Variants in XXYLT1 observed in about 807,000 individuals in gnomAD.
The protein encoded by XXYLT1 is UDP-xylose:alpha-xyloside alpha-1,3-xylosyltransferase.
XXYLT1 carries 20 observed loss-of-function variants against 28.9 expected under a neutral mutation model. The ratio of observed to expected loss-of-function variants is 0.69; its 90% confidence interval spans 0.49 to 1.00. The LOEUF (loss-of-function observed/expected upper bound fraction) is 1.00, where lower values mean the gene tolerates loss of function less well. Ranked by LOEUF, XXYLT1 falls within the 50% of genes least tolerant of loss-of-function variation. XXYLT1 has a pLI of 0.00. For synonymous variants in XXYLT1, 257 were observed against 253.8 expected (o/e 1.01, Z -0.12); for missense variants, 542 against 560.1 (o/e 0.97, Z 0.33).
chr3:195,247,873 C>T, intron 1 of XXYLT1: 1 of 695,778 alleles, frequency 1.4e-6, no homozygotes. Flanking sequence ...GGGGGAAGCG[C>T]TACACACTTT....
At chr3:195,093,917 A>G (rs1716262742) in intron 3 of XXYLT1, 1 of 152,246 alleles carries the variant, frequency 6.6e-6, no homozygotes, top group Non-Finnish European at 1.5e-5. Flanking sequence ...ATCCAAACTA[A>G]TTAGGAGCCT....
intron 3 of XXYLT1, among the ~76,000 whole-genome samples, chr3:195,084,313 G>A (rs1389143955): frequency 2.0e-5 from 3 of 152,042 alleles, no homozygotes; most frequent in Non-Finnish European, 4.4e-5. Context: ...CAGCTAGGCT[G>A]CTCCCTGCCC....
At chr3:195,164,685 C>T (rs1308512599) in intron 2 of XXYLT1, among the ~76,000 whole-genome samples, 2 of 152,192 alleles carry the variant, frequency 1.3e-5, no homozygotes, top group Non-Finnish European at 2.9e-5. Context: ...CTTGGGGTAC[C>T]CATACCATAC....
chr3:195,130,045 C>T (rs1718827188), intron 3 of XXYLT1, among the ~76,000 whole-genome samples: 1 of 152,204 alleles, frequency 6.6e-6, no homozygotes, highest in Non-Finnish European at 1.5e-5. Context: ...TGTAGCTTTG[C>T]TTTACACTCT....
intron 1 of XXYLT1, among the ~76,000 whole-genome samples, chr3:195,232,327 A>G (rs1371791848): frequency 6.7e-6 from 1 of 148,516 alleles, no homozygotes; most frequent in Non-Finnish European, 1.5e-5. Flanking sequence ...CAAAATACCA[A>G]AAAAAAACTT....
At chr3:195,147,561 A>G (rs1719928709) in intron 3 of XXYLT1, among the ~76,000 whole-genome samples, 1 of 152,176 alleles carries the variant, frequency 6.6e-6, no homozygotes, top group African/African-American at 2.4e-5. Flanking sequence ...CAAGAAAGAA[A>G]CTATGTCTCA....
At chr3:195,122,439 G>T (rs1175259093) in intron 3 of XXYLT1, among the ~76,000 whole-genome samples, 1 of 145,186 alleles carries the variant, frequency 6.9e-6, no homozygotes, top group Admixed American at 6.9e-5. Flanking sequence ...TAGTACAGCA[G>T]TACTGAGTAG....
intron 3 of XXYLT1, among the ~76,000 whole-genome samples, chr3:195,105,047 C>T (rs962489475): frequency 3.3e-5 from 5 of 152,208 alleles, no homozygotes; most frequent in Non-Finnish European, 4.4e-5. Flanking sequence ...GGTGTGGCTG[C>T]GCCGCATTTG....
At chr3:195,100,193 T>C (rs1444970313) in intron 3 of XXYLT1, among the ~76,000 whole-genome samples, 1 of 152,142 alleles carries the variant, frequency 6.6e-6, no homozygotes, top group Admixed American at 6.5e-5. Flanking sequence ...GGCCCAGCCA[T>C]GTCTGTCCCT....
intron 1 of XXYLT1, among the ~76,000 whole-genome samples, chr3:195,265,724 G>A (rs1577212134): frequency 6.6e-6 from 1 of 152,214 alleles, no homozygotes; most frequent in African/African-American, 2.4e-5. Flanking sequence ...GGCTAAACTG[G>A]AGTAAATGCG....
Position 195,240,903 on chromosome 3 carries a change from G to A in XXYLT1, c.505-14047C>T, listed in dbSNP as rs1018899834. Among the ~76,000 whole-genome samples, 1 of 152,210 alleles carries A rather than the reference G, an allele frequency of 6.6e-6. No homozygotes were observed. The highest frequency in any genetic ancestry group is 6.5e-5 in the Admixed American group (1 of 15,288). On this transcript the variant is annotated intron_variant, in intron 1 of 3. Transcript: ENST00000310380. The surrounding 1 kb of genome is among the most constrained non-coding windows in gnomAD (Gnocchi z 4.7). ...ATTGTGCCACTGCACTCCTGCCTGG[G>A]CAACAGAGCAAGACTCCATCTCAAA...
At chr3:195,245,292 C>A (rs1724975044) in intron 1 of XXYLT1, among the ~76,000 whole-genome samples, 1 of 151,040 alleles carries the variant, frequency 6.6e-6, no homozygotes, top group Admixed American at 6.6e-5. Context: ...TCCTGAGTAG[C>A]TGGGATTACA....
At chr3:195,226,585 G>A (rs1313259919) in intron 2 of XXYLT1, 124 bp downstream of exon 2, 22 of 1,290,254 alleles carry the variant, frequency 1.7e-5, no homozygotes, top group Admixed American at 2.6e-5. Flanking sequence ...TGGCTCCCTC[G>A]TCCACTCTTT....
chr3:195,237,011 G>C (rs1434494505), intron 1 of XXYLT1, among the ~76,000 whole-genome samples: 1 of 152,164 alleles, frequency 6.6e-6, no homozygotes, highest in Non-Finnish European at 1.5e-5. Flanking sequence ...TCTAACAGAA[G>C]GAGGGGGTCT....
intron 3 of XXYLT1, among the ~76,000 whole-genome samples, chr3:195,121,252 C>T (rs1052263878): frequency 2.0e-5 from 3 of 152,192 alleles, no homozygotes; most frequent in African/African-American, 4.8e-5. Flanking sequence ...CTACACCTAC[C>T]GAGGCCTTCC....
intron 3 of XXYLT1, among the ~76,000 whole-genome samples, chr3:195,099,538 T>C (rs1577024152): frequency 1.3e-5 from 2 of 152,196 alleles, no homozygotes; most frequent in East Asian, 1.9e-4. Context: ...AAGAATTAAA[T>C]GCAGTAACTG....
At chr3:195,206,289 C>T (rs1012805005) in intron 2 of XXYLT1, among the ~76,000 whole-genome samples, 56 of 151,680 alleles carry the variant, frequency 3.7e-4, no homozygotes, top group South Asian at 1.0e-3. Flanking sequence ...CGATTACAGG[C>T]GTGAGCCACC....
At chr3:195,134,067 C>CAGAA (rs970842114) in intron 3 of XXYLT1, among the ~76,000 whole-genome samples, 3 of 151,794 alleles carry the variant, frequency 2.0e-5, no homozygotes, top group African/African-American at 7.3e-5. Context: ...GACAGACAGA[C>CAGAA]AGAAAGAAAG....
Position 195,115,047 on chromosome 3 carries a change from C to T in XXYLT1, c.785+41402G>A, listed in dbSNP as rs1717972874. Among the ~76,000 whole-genome samples, 1 of 152,362 alleles carries T rather than the reference C, an allele frequency of 6.6e-6. No homozygotes were observed. Among genetic ancestry groups the T allele is most frequent in the African/African-American group, 2.4e-5 (1 of 41,584 alleles). ...CTAGCTGAGGTTGCACAGTTGGCTC[C>T]TCCCAAACCTCCCGTTGATCCTCCT... On this transcript the variant is annotated intron_variant, in intron 3 of 3. Coordinates refer to ENST00000310380, the MANE Select transcript of XXYLT1 (RefSeq NM_152531.5). The surrounding 1 kb of genome is among the most constrained non-coding windows in gnomAD (Gnocchi z 4.2).
Sources: allele counts gnomAD v4.1 joint callset (sites outside exome capture counted in the v4.1 genomes callset), GRCh38; gene constraint gnomAD v4.1.1; non-coding constraint Gnocchi (gnomAD v3.1); transcripts MANE v1.5; gene names NCBI Gene and HGNC (gene_info 2026-07-23, HGNC 2026-07-21).